The following TAFA2 variants were observed in gnomAD, a reference collection of about 807,000 sequenced individuals.
TAFA2 encodes chemokine-like protein TAFA-2.
Under a neutral mutation model 18.8 loss-of-function variants are expected in TAFA2, and 7 were observed. The ratio of observed to expected loss-of-function variants is 0.37; its 90% confidence interval spans 0.21 to 0.70. The LOEUF (loss-of-function observed/expected upper bound fraction) is 0.70, where lower values mean the gene tolerates loss of function less well. Among genes scored for constraint, TAFA2 ranks in the 30% least tolerant of loss-of-function variants. TAFA2 has a pLI of 0.53. For missense variants in TAFA2, 122 were observed against 158.1 expected (o/e 0.77, Z 1.23); for synonymous variants, 60 against 54.2 (o/e 1.11, Z -0.47).
chr12:62,209,080 A>C (rs970500175), intron 1 of TAFA2, among the ~76,000 whole-genome samples: 1 of 152,198 alleles, frequency 6.6e-6, no homozygotes, highest in Non-Finnish European at 1.5e-5. Flanking sequence ...AAGGTTTTTG[A>C]AAACAAACAG....
intron 1 of TAFA2, among the ~76,000 whole-genome samples, chr12:62,112,418 C>T (rs1208545609): frequency 6.6e-6 from 1 of 152,162 alleles, no homozygotes; most frequent in Non-Finnish European, 1.5e-5. Context: ...CTGCCCTTAA[C>T]ATTTTTTCCT....
chr12:61,799,638 C>T (rs1871325687), intron 2 of TAFA2, among the ~76,000 whole-genome samples: 1 of 152,034 alleles, frequency 6.6e-6, no homozygotes. Flanking sequence ...CTGGCTAACA[C>T]GGTGAAACCT....
intron 4 of TAFA2, among the ~76,000 whole-genome samples, chr12:61,724,618 T>A (rs1168917395): frequency 6.6e-6 from 1 of 152,108 alleles, no homozygotes; most frequent in African/African-American, 2.4e-5. Context: ...CTTTCACTTA[T>A]AAGTGAGAAC....
At chr12:62,243,291 T>TA (rs1293716788) in intron 1 of TAFA2, among the ~76,000 whole-genome samples, 1 of 152,236 alleles carries the variant, frequency 6.6e-6, no homozygotes, top group Non-Finnish European at 1.5e-5. Context: ...CTTTAATACT[T>TA]ATGATGCTGA....
chr12:62,109,663 G>T, intron 1 of TAFA2, among the ~76,000 whole-genome samples: 1 of 152,240 alleles, frequency 6.6e-6, no homozygotes, highest in African/African-American at 2.4e-5. Flanking sequence ...TTGAGCAATG[G>T]TTTGTAGTTC....
intron 1 of TAFA2, among the ~76,000 whole-genome samples, chr12:62,160,873 C>A (rs2062402500): frequency 6.6e-6 from 1 of 152,086 alleles, no homozygotes; most frequent in Non-Finnish European, 1.5e-5. Flanking sequence ...GTGCTGGTGC[C>A]CCCCTTGCAC....
At chr12:62,194,330 C>CAA (rs5798636), upstream of TAFA2, among the ~76,000 whole-genome samples, 276 of 151,648 alleles carry the variant, frequency 1.8e-3, 1 homozygote, top group Middle Eastern at 0.041. Context: ...CACACACATA[C>CAA]AAAAAAACAT....
In TAFA2 at chr12:62,094,384, T is replaced by A. The variant is rs532722051; in HGVS notation, c.-2+96875A>T. On this transcript the variant is annotated intron_variant, in intron 1 of 4. Transcript: ENST00000416284. ...ACAAAAGACTACACATTGGGTAGAC[T>A]GTACACTGCTCAGATGACGTGTGCA... 3.3e-5 allele frequency among the ~76,000 whole-genome samples: 5 copies of A among 152,116 alleles called. No individual in the cohort carries two copies. The South Asian group carries it at 1.0e-3, about 32-fold the overall frequency.
chr12:62,080,297 C>A (rs192341069), intron 1 of TAFA2, among the ~76,000 whole-genome samples: 2 of 152,188 alleles, frequency 1.3e-5, no homozygotes, highest in Non-Finnish European at 2.9e-5. Flanking sequence ...TTACCTGATT[C>A]GGTCAGGCTT....
At chr12:61,835,057 A>G (rs1252381320) in intron 2 of TAFA2, among the ~76,000 whole-genome samples, 1 of 151,784 alleles carries the variant, frequency 6.6e-6, no homozygotes, top group East Asian at 1.9e-4. Context: ...TGCTCTTCTA[A>G]CTAAATGCTA....
chr12:62,123,926 GTT>G (rs1323626247), intron 1 of TAFA2, among the ~76,000 whole-genome samples: 1 of 152,058 alleles, frequency 6.6e-6, no homozygotes, highest in Non-Finnish European at 1.5e-5. Context: ...AGTCTGTAGA[GTT>G]AGGAGGTTAC....
At chr12:62,002,819 ATT>A (rs1031529040) in intron 1 of TAFA2, among the ~76,000 whole-genome samples, 1 of 152,124 alleles carries the variant, frequency 6.6e-6, no homozygotes, top group African/African-American at 2.4e-5. Flanking sequence ...ATCGTCTAAA[ATT>A]TAAATTTTAT....
chr12:61,747,244 G>C (rs553244488), intron 4 of TAFA2, among the ~76,000 whole-genome samples: 163 of 149,166 alleles, frequency 1.1e-3, no homozygotes, highest in South Asian at 2.8e-3. Flanking sequence ...TGGAGAAATA[G>C]GAACACTTTT....
In TAFA2 at chr12:61,859,451, TTTTTGA is replaced by T. The variant is rs1044497340; in HGVS notation, c.106+7863_106+7868del. On this transcript the variant is annotated intron_variant, in intron 2 of 4. Coordinates refer to ENST00000416284, the MANE Select transcript of TAFA2 (RefSeq NM_178539.5). ...AAGCAATATTTTGTTTTTGTTTTTG[TTTTTGA>T]TTTTGAGATGGAGTCTCGCTCTGTC... Among the ~76,000 whole-genome samples, 5 of 152,162 alleles carry T rather than the reference TTTTTGA, an allele frequency of 3.3e-5. No individual in the cohort carries two copies. In the East Asian group the frequency reaches 7.7e-4, roughly 23 times the overall value.
chr12:61,878,514 G>A (rs1022082915), intron 1 of TAFA2, among the ~76,000 whole-genome samples: 1 of 152,056 alleles, frequency 6.6e-6, no homozygotes, highest in Non-Finnish European at 1.5e-5. Flanking sequence ...TACTATAAGA[G>A]CACAAACCTA....
chr12:61,779,365 G>C (rs1185966938), intron 2 of TAFA2, among the ~76,000 whole-genome samples: 1 of 151,796 alleles, frequency 6.6e-6, no homozygotes, highest in African/African-American at 2.4e-5. Context: ...TCAGAACTTA[G>C]AGTGGCAAAG....
At chr12:62,227,572 T>C (rs2062792635) in intron 1 of TAFA2, among the ~76,000 whole-genome samples, 1 of 152,194 alleles carries the variant, frequency 6.6e-6, no homozygotes, top group Non-Finnish European at 1.5e-5. Context: ...ATTCTGTAGG[T>C]TGTCTTTTCT....
intron 1 of TAFA2, among the ~76,000 whole-genome samples, chr12:62,024,305 T>C (rs1051164640): frequency 6.6e-6 from 1 of 152,158 alleles, no homozygotes; most frequent in Non-Finnish European, 1.5e-5. Flanking sequence ...AAATGAACTC[T>C]CATGGAAAGT....
chr12:61,973,215 C>G (rs962871108), intron 1 of TAFA2, among the ~76,000 whole-genome samples: 1 of 151,538 alleles, frequency 6.6e-6, no homozygotes, highest in Non-Finnish European at 1.5e-5. Context: ...ATTAAAAGTG[C>G]ACATACAAAT....
Sources: allele counts gnomAD v4.1 joint callset (sites outside exome capture counted in the v4.1 genomes callset), GRCh38; gene constraint gnomAD v4.1.1; transcripts MANE v1.5; gene names NCBI Gene and HGNC (gene_info 2026-07-23, HGNC 2026-07-21).